Variants in USP47 observed in about 807,000 individuals in gnomAD.
USP47 encodes the protein ubiquitin carboxyl-terminal hydrolase 47.
In USP47, 35 loss-of-function variants were observed where a neutral mutation model predicts 165.1. The observed-to-expected ratio is 0.21, with a 90% CI of 0.16 to 0.28. The LOEUF (loss-of-function observed/expected upper bound fraction) is 0.28. Ranked by LOEUF, USP47 falls within the 10% of genes least tolerant of loss-of-function variation. The probability of loss-of-function intolerance (pLI) is 1.00; values close to 1 mark genes in which losing one functional copy is unlikely to be tolerated. For synonymous variants in USP47, 531 were observed against 544.5 expected, an observed-to-expected ratio of 0.98 and a Z score of 0.35; for missense variants, 1,277 against 1,607.4, an observed-to-expected ratio of 0.79 and a Z score of 3.52.
intron 1 of USP47, among the ~76,000 whole-genome samples, chr11:11,853,149 G>A (rs919643603): frequency 2.8e-4 from 43 of 152,026 alleles, no homozygotes; most frequent in African/African-American, 9.9e-4. Context: ...CAGAATAGTA[G>A]GGTATGGTGA....
intron 18 of USP47, 24 bp from the exon 19 acceptor site, chr11:11,940,405 T>C (rs149014251): frequency 1.3e-6 from 2 of 1,568,862 alleles, no homozygotes; most frequent in South Asian, 1.2e-5. Flanking sequence ...AAGAGTACTT[T>C]TTATTAAATT....
intron 8 of USP47, among the ~76,000 whole-genome samples, chr11:11,911,628 A>G (rs375224001): frequency 1.1e-4 from 16 of 152,278 alleles, no homozygotes; most frequent in Admixed American, 4.6e-4. Context: ...TGTCATAACT[A>G]AAAGGAAAAA....
At chr11:11,955,267 G>A in intron 27 of USP47, 103 bp downstream of exon 27, 3 of 1,368,662 alleles carry the variant, frequency 2.2e-6, no homozygotes, top group Non-Finnish European at 2.9e-6. Context: ...ATATGGAGCG[G>A]CACTAACCGG....
chr11:11,887,454 C>T (rs1851234511), intron 3 of USP47, among the ~76,000 whole-genome samples: 2 of 151,956 alleles, frequency 1.3e-5, no homozygotes, highest in South Asian at 4.1e-4. Context: ...ACAGAGTTTA[C>T]ACCAACAAAG....
intron 1 of USP47, among the ~76,000 whole-genome samples, chr11:11,872,855 CT>C (rs1473321405): frequency 6.6e-6 from 1 of 152,028 alleles, no homozygotes; most frequent in African/African-American, 2.4e-5. Context: ...TTTGGAGGGG[CT>C]TAAATGCCCA....
intron 10 of USP47, among the ~76,000 whole-genome samples, chr11:11,922,240 T>C (rs1022975344): frequency 2.6e-5 from 4 of 151,920 alleles, no homozygotes; most frequent in African/African-American, 9.7e-5. Flanking sequence ...GACTATCAAG[T>C]TCTTAAGGAT....
At chr11:11,905,697 G>A (rs1299247462) in intron 8 of USP47, 149 bp downstream of exon 8, 1 of 747,996 alleles carries the variant, frequency 1.3e-6, no homozygotes, top group East Asian at 3.2e-5. Flanking sequence ...AGATCTAGAA[G>A]ATTTTTGACC....
chr11:11,954,219 C>T (rs1056536991), intron 25 of USP47, among the ~76,000 whole-genome samples: 27 of 152,166 alleles, frequency 1.8e-4, no homozygotes, highest in African/African-American at 5.3e-4. Flanking sequence ...CACTGCACTC[C>T]AGTCTAGGTG....
chr11:11,952,408 G>T (rs958038381), intron 24 of USP47: 1 of 157,830 alleles, frequency 6.3e-6, no homozygotes, highest in African/African-American at 2.4e-5. Context: ...ATTTGTTTAT[G>T]ATTTTAGATA....
chr11:11,851,102 C>T (rs1204909431), intron 1 of USP47, among the ~76,000 whole-genome samples: 2 of 152,190 alleles, frequency 1.3e-5, no homozygotes, highest in African/African-American at 2.4e-5. Context: ...CACATCTTTT[C>T]TTTTGTGCTG....
At chr11:11,867,189 G>T (rs1348431168) in intron 1 of USP47, among the ~76,000 whole-genome samples, 1 of 152,166 alleles carries the variant, frequency 6.6e-6, no homozygotes, top group Non-Finnish European at 1.5e-5. Flanking sequence ...GAGCCGCTGT[G>T]CCTGGCCCTC....
chr11:11,953,958 A>G (rs549299099), intron 25 of USP47, among the ~76,000 whole-genome samples: 1 of 152,230 alleles, frequency 6.6e-6, no homozygotes, highest in Admixed American at 6.5e-5. Flanking sequence ...GATCTGTAGA[A>G]GTATTTGCAG....
rs1485243371 is a variant in USP47 at position 11,961,763 on chromosome 11, T to C, written c.*5588T>C. Among the ~76,000 whole-genome samples, 2 of 152,250 alleles carry C rather than the reference T, an allele frequency of 1.3e-5. No homozygotes were observed. The highest frequency in any genetic ancestry group is 1.9e-4 in the East Asian group (1 of 5,198). ...GGGTCATGGGGCCAGCCCTAGCTGCTGGAGGGACTGAGAACAGCTGTTGAG... is the reference window on the plus strand; with the variant it reads ...GGGTCATGGGGCCAGCCCTAGCTGCCGGAGGGACTGAGAACAGCTGTTGAG... On this transcript the variant is annotated 3_prime_UTR_variant, in exon 28 of 28. Coordinates refer to ENST00000527733, the MANE Select transcript of USP47 (RefSeq NM_001282659.2).
chr11:11,934,442 T>G (rs1036436697), intron 16 of USP47, among the ~76,000 whole-genome samples: 1 of 152,108 alleles, frequency 6.6e-6, no homozygotes, highest in Admixed American at 6.6e-5. Flanking sequence ...TTTTGAAACT[T>G]TAACCATGAG....
chr11:11,892,467 G>A (rs1851592530), intron 4 of USP47, among the ~76,000 whole-genome samples: 1 of 132,142 alleles, frequency 7.6e-6, no homozygotes, highest in African/African-American at 2.9e-5. Flanking sequence ...CTGCAGTCTT[G>A]AACTCCTGGA....
intron 5 of USP47, among the ~76,000 whole-genome samples, chr11:11,899,085 A>T (rs1213439421): frequency 6.6e-6 from 1 of 152,116 alleles, no homozygotes; most frequent in Non-Finnish European, 1.5e-5. Context: ...CTGCCTGTGC[A>T]CTAGCGGATG....
chr11:11,948,787 C>T (rs1375201022), intron 22 of USP47: 10 of 378,108 alleles, frequency 2.6e-5, no homozygotes, highest in Non-Finnish European at 4.8e-5. Flanking sequence ...TATGTCTCAA[C>T]ATTTTATTTA....
intron 14 of USP47, among the ~76,000 whole-genome samples, chr11:11,931,369 G>C (rs1854653949): frequency 6.6e-6 from 1 of 152,026 alleles, no homozygotes. Flanking sequence ...TATATTCTAG[G>C]ATCTGTCATA....
chr11:11,956,257 C>T lies in USP47; in HGVS notation c.*82C>T, dbSNP rs752429389. 35 of 1,526,752 alleles carry T rather than the reference C, an allele frequency of 2.3e-5. No individual in the cohort carries two copies. The highest frequency in any genetic ancestry group is 1.4e-4 in the Admixed American group (8 of 56,388). 94.6% of individuals were successfully genotyped at this position (1,526,752 alleles called of 1,614,324 possible). ...TACCACTGGGTAGTGCCATTTTGGC[C>T]GGACATGGTTGGGGTAACCCAGTGA... On this transcript the variant is annotated 3_prime_UTR_variant, in exon 28 of 28. Coordinates refer to ENST00000527733, the MANE Select transcript of USP47 (RefSeq NM_001282659.2).
Sources: gnomAD v4.1 joint callset for allele counts (sites outside exome capture counted in the v4.1 genomes callset) on GRCh38, gnomAD v4.1.1 for gene constraint, MANE v1.5 for transcripts, NCBI Gene and HGNC (gene_info 2026-07-23, HGNC 2026-07-21) for gene names.